PGGT1B: variants seen among roughly 807,000 people sequenced by gnomAD.
PGGT1B encodes protein geranylgeranyltransferase type I subunit beta.
In PGGT1B, 30 loss-of-function variants were observed where a neutral mutation model predicts 46.1. The observed-to-expected ratio is 0.65, with a 90% CI of 0.49 to 0.88. The LOEUF (loss-of-function observed/expected upper bound fraction) is 0.88, where lower values mean the gene tolerates loss of function less well. Among genes scored for constraint, PGGT1B ranks in the 40% least tolerant of loss-of-function variants. The pLI is 0.00. For synonymous variants in PGGT1B, 170 were observed against 160.0 expected (o/e 1.06, Z -0.47); for missense variants, 376 against 455.9 (o/e 0.82, Z 1.60).
chr5:115,243,398 AAC>A (rs1265449917), intron 2 of PGGT1B, among the ~76,000 whole-genome samples: 1 of 152,362 alleles, frequency 6.6e-6, no homozygotes, highest in East Asian at 1.9e-4. Flanking sequence ...ACTATGTAGC[AAC>A]ACAGAGAAAT....
chr5:115,254,963 T>C (rs1430644060), intron 1 of PGGT1B, among the ~76,000 whole-genome samples: 1 of 152,154 alleles, frequency 6.6e-6, no homozygotes, highest in African/African-American at 2.4e-5. Flanking sequence ...TGTTGTACAG[T>C]AGTTCAAAGC....
At chr5:115,255,331 C>T (rs191345039) in intron 1 of PGGT1B, among the ~76,000 whole-genome samples, 2 of 152,130 alleles carry the variant, frequency 1.3e-5, no homozygotes, top group South Asian at 2.1e-4. Context: ...TACATAATAG[C>T]AACAAAGTGT....
chr5:115,229,128 T>C (rs1756890225), intron 6 of PGGT1B, among the ~76,000 whole-genome samples: 1 of 152,080 alleles, frequency 6.6e-6, no homozygotes, highest in South Asian at 2.1e-4. Context: ...ACCAAAATCC[T>C]TTAGGGTAGT....
rs1420189656 is a variant in PGGT1B at position 115,221,760 on chromosome 5, C to G, written c.843+64G>C. The G allele has an allele frequency of 4.9e-6, 5 of 1,030,796 alleles. No individual in the cohort carries two copies. In the East Asian group the frequency reaches 1.3e-4, roughly 28 times the overall value. 63.9% of individuals were successfully genotyped at this position (1,030,796 alleles called of 1,614,324 possible). A position where few individuals can be genotyped will look rare whatever the true frequency, so the allele number is the denominator to read the frequency against. ...TTTAATACACATTACAAAGATCAAA[C>G]CTTTTTAGCACAATCTATATGAACA... On this transcript the variant is annotated intron_variant, in intron 7 of 8. Coordinates refer to ENST00000419445, the MANE Select transcript of PGGT1B (RefSeq NM_005023.4).
chr5:115,218,437 T>G (rs1756487361), intron 7 of PGGT1B, among the ~76,000 whole-genome samples: 1 of 144,136 alleles, frequency 6.9e-6, no homozygotes, highest in African/African-American at 2.5e-5. Flanking sequence ...TAATATATAT[T>G]ATATATAATA....
chr5:115,257,736 A>G (rs985749816), intron 1 of PGGT1B, among the ~76,000 whole-genome samples: 1 of 152,190 alleles, frequency 6.6e-6, no homozygotes, highest in Non-Finnish European at 1.5e-5. Flanking sequence ...GTCTTAAACA[A>G]TGGACTACAT....
intron 2 of PGGT1B, among the ~76,000 whole-genome samples, chr5:115,242,248 A>C (rs1757369574): frequency 6.6e-6 from 1 of 152,174 alleles, no homozygotes; most frequent in Non-Finnish European, 1.5e-5. Context: ...CTATCTAAAA[A>C]TTTTCATTTC....
intron 1 of PGGT1B, among the ~76,000 whole-genome samples, chr5:115,255,807 A>C (rs1748285839): frequency 6.6e-6 from 1 of 152,180 alleles, no homozygotes; most frequent in African/African-American, 2.4e-5. Context: ...AAATTCAAGT[A>C]ATTTACTTGA....
intron 1 of PGGT1B, among the ~76,000 whole-genome samples, chr5:115,255,325 T>C (rs1474338700): frequency 6.6e-6 from 1 of 152,172 alleles, no homozygotes; most frequent in Non-Finnish European, 1.5e-5. Context: ...AACCTCTACA[T>C]AATAGCAACA....
Position 115,206,252 on chromosome 5 carries a change from T to C in PGGT1B, c.*6150A>G, listed in dbSNP as rs774117814. The C allele has an allele frequency of 4.6e-5, 7 of 152,110 alleles. No homozygotes were observed. Among genetic ancestry groups the C allele is most frequent in the Non-Finnish European group, 8.8e-5 (6 of 67,902 alleles). The allele number at this position is 152,110 out of a possible 1,614,324, so 9.4% of individuals were successfully genotyped here. ...AGAGATTAAAGGTCTGAAAGATGTATGCAACAGTGGTGTTTACCTCCAGGA... is the reference window on the plus strand; with the variant it reads ...AGAGATTAAAGGTCTGAAAGATGTACGCAACAGTGGTGTTTACCTCCAGGA... On this transcript the variant is annotated 3_prime_UTR_variant, in exon 9 of 9. Transcript: ENST00000419445.
At chr5:115,250,219 C>T (rs1748031612) in intron 2 of PGGT1B, among the ~76,000 whole-genome samples, 1 of 152,054 alleles carries the variant, frequency 6.6e-6, no homozygotes, top group African/African-American at 2.4e-5. Flanking sequence ...TATGTGGTAT[C>T]TCAAAGTAGG....
chr5:115,223,665 A>C (rs1446906122), intron 6 of PGGT1B, among the ~76,000 whole-genome samples: 3 of 152,178 alleles, frequency 2.0e-5, no homozygotes, highest in Non-Finnish European at 4.4e-5. Context: ...GGAGAGGATA[A>C]ATTTGTGCTG....
At chr5:115,232,833 A>T (rs1757034681) in intron 5 of PGGT1B, among the ~76,000 whole-genome samples, 1 of 152,046 alleles carries the variant, frequency 6.6e-6, no homozygotes, top group Non-Finnish European at 1.5e-5. Flanking sequence ...GCAGGGCTCA[A>T]AGAGTGTAAA....
intron 2 of PGGT1B, among the ~76,000 whole-genome samples, chr5:115,242,014 C>T (rs776950377): frequency 2.0e-5 from 3 of 152,120 alleles, no homozygotes; most frequent in Non-Finnish European, 4.4e-5. Flanking sequence ...TGTCTTTTTA[C>T]TTTAACTCAT....
At chr5:115,244,004 C>T (rs1380002117) in intron 2 of PGGT1B, among the ~76,000 whole-genome samples, 1 of 152,138 alleles carries the variant, frequency 6.6e-6, no homozygotes, top group African/African-American at 2.4e-5. Flanking sequence ...TGTGATTATA[C>T]TGAGCCCACC....
intron 7 of PGGT1B, among the ~76,000 whole-genome samples, chr5:115,218,072 C>T (rs1354530537): frequency 6.6e-6 from 1 of 151,466 alleles, no homozygotes; most frequent in Non-Finnish European, 1.5e-5. Flanking sequence ...TAAAGGTAAC[C>T]TTATATAGCA....
At chr5:115,217,480 A>G (rs1019254327) in intron 7 of PGGT1B, among the ~76,000 whole-genome samples, 1 of 152,224 alleles carries the variant, frequency 6.6e-6, no homozygotes, top group East Asian at 1.9e-4. Flanking sequence ...TAAGACAAAA[A>G]TGATTGCAAC....
intron 1 of PGGT1B, among the ~76,000 whole-genome samples, chr5:115,258,371 T>G (rs1016117823): frequency 5.3e-5 from 8 of 152,214 alleles, no homozygotes; most frequent in Non-Finnish European, 7.3e-5. Flanking sequence ...ACCACATGAG[T>G]GTCCTCATTG....
chr5:115,232,609 T>C (rs890717738), intron 5 of PGGT1B, among the ~76,000 whole-genome samples: 2 of 151,804 alleles, frequency 1.3e-5, no homozygotes, highest in Non-Finnish European at 2.9e-5. Context: ...ACAGGAAGAG[T>C]TTTCAAAGTT....
Sources: gnomAD v4.1 joint callset for allele counts (sites outside exome capture counted in the v4.1 genomes callset) on GRCh38, gnomAD v4.1.1 for gene constraint, MANE v1.5 for transcripts, NCBI Gene and HGNC (gene_info 2026-07-23, HGNC 2026-07-21) for gene names.